MTSS1: variants seen among roughly 807,000 people sequenced by gnomAD.
MTSS1 encodes MTSS I-BAR domain containing 1.
A neutral mutation model predicts 79.0 loss-of-function variants in MTSS1; 18 were observed. That is an observed-to-expected ratio of 0.23 (90% CI 0.16 to 0.34). The LOEUF is 0.34. Ranked by LOEUF, MTSS1 falls within the 10% of genes least tolerant of loss-of-function variation. The pLI, the probability that MTSS1 is intolerant of heterozygous loss-of-function variation, is 1.00. For missense variants in MTSS1, 815 were observed against 986.2 expected, an observed-to-expected ratio of 0.83 and a Z score of 2.33; for synonymous variants, 341 against 368.6, an observed-to-expected ratio of 0.93 and a Z score of 0.86.
At chr8:124,664,936 C>T (rs1822779014) in intron 3 of MTSS1, among the ~76,000 whole-genome samples, 1 of 152,170 alleles carries the variant, frequency 6.6e-6, no homozygotes, top group Admixed American at 6.5e-5. Context: ...GACATGTTAA[C>T]AACTCTGAAA....
At chr8:124,664,618 A>C (rs1324860442) in intron 3 of MTSS1, among the ~76,000 whole-genome samples, 1 of 152,212 alleles carries the variant, frequency 6.6e-6, no homozygotes, top group Non-Finnish European at 1.5e-5. Flanking sequence ...CTCTGGTAAC[A>C]TAGAATTGCA....
At chr8:124,710,496 G>A (rs112233159) in intron 1 of MTSS1, among the ~76,000 whole-genome samples, 1 of 151,746 alleles carries the variant, frequency 6.6e-6, no homozygotes, top group Non-Finnish European at 1.5e-5. Context: ...ACCGCCGAGT[G>A]CCTCTCCTCA....
intron 3 of MTSS1, among the ~76,000 whole-genome samples, chr8:124,674,461 T>C (rs1824899444): frequency 6.6e-6 from 1 of 152,222 alleles, no homozygotes; most frequent in South Asian, 2.1e-4. Flanking sequence ...TTCTCCTGTC[T>C]CAGCCTCCCA....
chr8:124,693,948 T>G (rs1362551134), intron 3 of MTSS1, among the ~76,000 whole-genome samples: 1 of 151,988 alleles, frequency 6.6e-6, no homozygotes, highest in African/African-American at 2.4e-5. Flanking sequence ...CCTTTATAGG[T>G]GGGAAAATGG....
At position 124,562,903 on chromosome 8, in the gene MTSS1, T is replaced by G. The variant is rs2303956; in HGVS notation, c.914A>C (p.Asn305Thr). 6 of 1,613,690 alleles carry G rather than the reference T, an allele frequency of 3.7e-6. No individual in the cohort carries two copies. The highest frequency in any genetic ancestry group is 3.3e-5 in the Admixed American group (2 of 59,964). ...CCTCACAGGAGCCTGCTGGGCCAGG[T>G]TGGAGCTGCGGTAGCGGTAATGTGA... ...PSSHYRYRSS[N>T]LAQQAPVRLS... Residue 305 changes from asparagine to threonine, a missense_variant, in exon 10 of 14, where the codon AAC (asparagine) becomes ACC (threonine). By Grantham distance (65) the Asn-to-Thr change is moderately conservative. Transcript: ENST00000518547.
chr8:124,614,228 G>A (rs1006518178), intron 3 of MTSS1, among the ~76,000 whole-genome samples: 24 of 149,238 alleles, frequency 1.6e-4, no homozygotes, highest in Admixed American at 9.3e-4. Flanking sequence ...CATGGGTCCC[G>A]CCCCACACAG....
At chr8:124,620,882 CA>C (rs1813369719) in intron 3 of MTSS1, among the ~76,000 whole-genome samples, 1 of 152,182 alleles carries the variant, frequency 6.6e-6, no homozygotes, top group Non-Finnish European at 1.5e-5. Context: ...GCGAATGAAA[CA>C]GTATCGTGAA....
chr8:124,589,656 T>C lies in MTSS1; in HGVS notation c.349A>G (p.Lys117Glu). ...PLQEQMEEWK[K>E]VANQLDKDHA... is the part of the protein sequence containing the mutation. The stretch of plus-strand genomic sequence containing the variant: ...TCTTTATCCAGCTGGTTGGCCACTT[T>C]CTTCCATTCTTCCATCTGTTCTTGA... Residue 117 changes from lysine to glutamate, a missense_variant, in exon 5 of 14, where the codon AAA becomes GAA. Coordinates refer to ENST00000518547, the MANE Select transcript of MTSS1 (RefSeq NM_014751.6). The C allele has an allele frequency of 1.2e-6, 2 of 1,613,600 alleles. No homozygotes were observed. The highest frequency in any genetic ancestry group is 1.7e-6 in the Non-Finnish European group (2 of 1,179,796).
At chr8:124,586,269 C>A (rs1226680607) in intron 5 of MTSS1, among the ~76,000 whole-genome samples, 1 of 152,166 alleles carries the variant, frequency 6.6e-6, no homozygotes, top group Non-Finnish European at 1.5e-5. Flanking sequence ...TTTATACACA[C>A]CTGGAATCAC....
chr8:124,638,226 C>T (rs1817385819), intron 3 of MTSS1, among the ~76,000 whole-genome samples: 1 of 152,232 alleles, frequency 6.6e-6, no homozygotes, highest in Non-Finnish European at 1.5e-5. Flanking sequence ...TTCACCTTAT[C>T]ACAGAGATCC....
intron 5 of MTSS1, among the ~76,000 whole-genome samples, chr8:124,588,123 A>G (rs1831192884): frequency 6.6e-6 from 1 of 152,192 alleles, no homozygotes. Flanking sequence ...GAATAATTTG[A>G]ATGAACCGGC....
intron 7 of MTSS1, chr8:124,568,019 C>G: frequency 8.3e-7 from 1 of 1,201,002 alleles, no homozygotes; most frequent in East Asian, 2.8e-5. Flanking sequence ...ACACAGACGA[C>G]TGGGTCCCCA....
In MTSS1 at chr8:124,552,157, G is replaced by A. The variant is rs947934475; in HGVS notation, c.*835C>T. On this transcript the variant is annotated 3_prime_UTR_variant, in exon 14 of 14. Transcript: ENST00000518547. Reference sequence around the variant, plus strand: ...GAGAAACTGAAGTGGGAGATTCTACGACTGCCCAGAGGCAGCAGCATGCAT... The same window carrying A: ...GAGAAACTGAAGTGGGAGATTCTACAACTGCCCAGAGGCAGCAGCATGCAT... The A allele has an allele frequency of 6.6e-6, 1 of 152,644 alleles. No homozygotes were observed. The highest frequency in any genetic ancestry group is 2.4e-5 in the African/African-American group (1 of 41,444). The allele number at this position is 152,644 out of a possible 1,614,324, so 9.5% of individuals were successfully genotyped here.
At chr8:124,660,475 CT>C (rs1201865199) in intron 3 of MTSS1, among the ~76,000 whole-genome samples, 4 of 151,144 alleles carry the variant, frequency 2.6e-5, no homozygotes, top group Non-Finnish European at 5.9e-5. Context: ...CACACACACC[CT>C]CAAGCTGAAG....
intron 3 of MTSS1, among the ~76,000 whole-genome samples, chr8:124,649,923 T>G (rs1819648676): frequency 6.6e-6 from 1 of 151,960 alleles, no homozygotes; most frequent in South Asian, 2.1e-4. Flanking sequence ...ACCCAGGGTC[T>G]GTCTCCGAAC....
At chr8:124,619,507 T>C (rs1048994214) in intron 3 of MTSS1, 2 of 152,248 alleles carry the variant, frequency 1.3e-5, no homozygotes, top group Non-Finnish European at 2.9e-5. Context: ...GGCTCCCCTC[T>C]CTTGCACGGT....
At chr8:124,675,107 G>A (rs997143386) in intron 3 of MTSS1, among the ~76,000 whole-genome samples, 7 of 152,352 alleles carry the variant, frequency 4.6e-5, no homozygotes, top group Non-Finnish European at 1.0e-4. Context: ...GCTAGCCTCC[G>A]CTTCACAGCA....
intron 1 of MTSS1, among the ~76,000 whole-genome samples, chr8:124,721,948 C>T (rs572362088): frequency 6.6e-6 from 1 of 152,160 alleles, no homozygotes; most frequent in Non-Finnish European, 1.5e-5. Context: ...CCCATTCCCA[C>T]GGCCCTTGGA....
chr8:124,655,165 TCG>T (rs1820713272), intron 3 of MTSS1, among the ~76,000 whole-genome samples: 1 of 152,208 alleles, frequency 6.6e-6, no homozygotes, highest in Admixed American at 6.5e-5. Flanking sequence ...GCAACTGCTG[TCG>T]GGGCTCAGGC....
Sources: allele counts gnomAD v4.1 joint callset (sites outside exome capture counted in the v4.1 genomes callset), GRCh38; gene constraint gnomAD v4.1.1; transcripts MANE v1.5; gene names NCBI Gene and HGNC (gene_info 2026-07-23, HGNC 2026-07-21).